The following PCDH15 variants were observed in gnomAD, a reference collection of about 807,000 sequenced individuals.
PCDH15 encodes the protein protocadherin related 15, also known as protocadherin-15.
A neutral mutation model predicts 178.5 loss-of-function variants in PCDH15; 129 were observed. That is an observed-to-expected ratio of 0.72 (90% confidence interval 0.63 to 0.84). The LOEUF (loss-of-function observed/expected upper bound fraction) is 0.84. Ranked by LOEUF, PCDH15 falls within the 40% of genes least tolerant of loss-of-function variation. PCDH15 has a pLI of 0.00. For synonymous variants in PCDH15, 800 were observed against 732.0 expected (o/e 1.09, Z -1.50); for missense variants, 2,230 against 2,099.9 (o/e 1.06, Z -1.21).
intron 2 of PCDH15, among the ~76,000 whole-genome samples, chr10:55,076,484 C>T (rs1478056606): frequency 6.6e-6 from 1 of 150,408 alleles, no homozygotes; most frequent in African/African-American, 2.5e-5. Context: ...CAGTGTCTCG[C>T]TCTGTCACTG....
intron 2 of PCDH15, among the ~76,000 whole-genome samples, chr10:54,556,047 A>G (rs2087218055): frequency 6.6e-6 from 1 of 152,200 alleles, no homozygotes; most frequent in African/African-American, 2.4e-5. Flanking sequence ...GAACACTCCT[A>G]TTCTTCTGAT....
intron 8 of PCDH15, among the ~76,000 whole-genome samples, chr10:54,263,240 A>G (rs1181894982): frequency 6.6e-6 from 1 of 152,132 alleles, no homozygotes; most frequent in Non-Finnish European, 1.5e-5. Flanking sequence ...TGTAATCCTC[A>G]GTGTGGACCA....
intron 15 of PCDH15, among the ~76,000 whole-genome samples, chr10:54,127,572 T>C (rs1440709747): frequency 6.6e-6 from 1 of 152,102 alleles, no homozygotes; most frequent in African/African-American, 2.4e-5. Context: ...CAATTAAGAG[T>C]CTAGAAATGG....
At chr10:53,891,613 T>C (rs1564699883) in intron 26 of PCDH15, among the ~76,000 whole-genome samples, 1 of 152,122 alleles carries the variant, frequency 6.6e-6, no homozygotes, top group Non-Finnish European at 1.5e-5. Context: ...TCATGTCCAA[T>C]GGCTCTTCAA....
intron 5 of PCDH15, among the ~76,000 whole-genome samples, chr10:54,351,737 C>A (rs562785300): frequency 1.3e-5 from 2 of 152,102 alleles, no homozygotes; most frequent in Non-Finnish European, 2.9e-5. Context: ...TCTGGCAGCT[C>A]ACTGTCAAAA....
At chr10:54,288,693 G>A (rs1009286883) in intron 8 of PCDH15, among the ~76,000 whole-genome samples, 6 of 152,204 alleles carry the variant, frequency 3.9e-5, no homozygotes, top group African/African-American at 1.4e-4. Flanking sequence ...CTTCGCAACT[G>A]GCAGACAAAG....
intron 13 of PCDH15, among the ~76,000 whole-genome samples, chr10:54,183,022 C>T (rs1429217877): frequency 6.6e-6 from 1 of 151,288 alleles, no homozygotes; most frequent in African/African-American, 2.4e-5. Flanking sequence ...GCTCTTGTTG[C>T]CCAGGCTGGA....
At chr10:54,785,845 T>C (rs563369354) in intron 1 of PCDH15, among the ~76,000 whole-genome samples, 3 of 151,974 alleles carry the variant, frequency 2.0e-5, no homozygotes, top group African/African-American at 7.2e-5. Context: ...TATATCTTCA[T>C]CACCATCTAG....
At chr10:55,203,984 G>A (rs1564889453) in intron 1 of PCDH15, among the ~76,000 whole-genome samples, 2 of 151,864 alleles carry the variant, frequency 1.3e-5, no homozygotes, top group Admixed American at 1.3e-4. Flanking sequence ...GCTGAGGCAG[G>A]TGGATTGCAT....
intron 23 of PCDH15, among the ~76,000 whole-genome samples, chr10:53,950,571 C>T (rs1463125835): frequency 6.6e-6 from 1 of 152,100 alleles, no homozygotes; most frequent in South Asian, 2.1e-4. Flanking sequence ...CACATTTAGA[C>T]TCTATGATCT....
intron 8 of PCDH15, among the ~76,000 whole-genome samples, chr10:54,270,119 G>A (rs1238421934): frequency 1.3e-5 from 2 of 151,802 alleles, no homozygotes; most frequent in African/African-American, 4.8e-5. Flanking sequence ...TTTTTTACTG[G>A]ACTAATATTC....
intron 21 of PCDH15, among the ~76,000 whole-genome samples, chr10:53,973,666 T>C (rs948442119): frequency 2.0e-5 from 3 of 152,130 alleles, no homozygotes; most frequent in Non-Finnish European, 4.4e-5. Context: ...TTTAGAAAAA[T>C]CTTGAGGTCA....
intron 4 of PCDH15, among the ~76,000 whole-genome samples, chr10:54,369,896 T>A (rs1407807886): frequency 6.6e-6 from 1 of 152,016 alleles, no homozygotes; most frequent in East Asian, 1.9e-4. Context: ...TACTATAGCA[T>A]TTTTTGTATA....
intron 2 of PCDH15, among the ~76,000 whole-genome samples, chr10:55,411,590 A>C (rs542400882): frequency 6.6e-6 from 1 of 152,106 alleles, no homozygotes; most frequent in African/African-American, 2.4e-5. Context: ...TCATTCATAT[A>C]GTATTTTCTT....
chr10:55,596,511 G>A (rs1444399785), intron 2 of PCDH15, among the ~76,000 whole-genome samples: 5 of 151,998 alleles, frequency 3.3e-5, no homozygotes, highest in Non-Finnish European at 7.4e-5. Flanking sequence ...TTTGGCATAT[G>A]CAAGGCAGAG....
intron 2 of PCDH15, among the ~76,000 whole-genome samples, chr10:55,067,892 T>A (rs549477220): frequency 6.6e-6 from 1 of 152,240 alleles, no homozygotes. Flanking sequence ...ATGTCTTTTT[T>A]TGAGAAATGT....
chr10:54,749,139 C>G (rs1445211252), intron 1 of PCDH15, among the ~76,000 whole-genome samples: 1 of 142,810 alleles, frequency 7.0e-6, no homozygotes, highest in Non-Finnish European at 1.6e-5. Context: ...TAAAACTTAG[C>G]CTTATAATTC....
At chr10:55,325,929 C>T (rs1270931928) in intron 2 of PCDH15, among the ~76,000 whole-genome samples, 1 of 151,892 alleles carries the variant, frequency 6.6e-6, no homozygotes, top group African/African-American at 2.4e-5. Flanking sequence ...TGGCCAAAGG[C>T]ATGAAGAGAC....
intron 1 of PCDH15, among the ~76,000 whole-genome samples, chr10:55,234,222 T>C (rs1344962773): frequency 6.6e-6 from 1 of 152,110 alleles, no homozygotes; most frequent in Non-Finnish European, 1.5e-5. Flanking sequence ...AATCTAGAAC[T>C]TGTTAATAGT....
Sources: allele counts gnomAD v4.1 joint callset (sites outside exome capture counted in the v4.1 genomes callset), GRCh38; gene constraint gnomAD v4.1.1; transcripts MANE v1.5; gene names NCBI Gene and HGNC (gene_info 2026-07-23, HGNC 2026-07-21).